The following RPAP3 variants were observed in gnomAD, a reference collection of about 807,000 sequenced individuals.
The protein encoded by RPAP3 is RNA polymerase II-associated protein 3.
In RPAP3, 58 loss-of-function variants were observed where a neutral mutation model predicts 88.8. The ratio of observed to expected loss-of-function variants is 0.65; its 90% confidence interval spans 0.53 to 0.81. RPAP3 has a LOEUF of 0.81. Among genes scored for constraint, RPAP3 ranks in the 40% least tolerant of loss-of-function variants. The pLI, the probability that RPAP3 is intolerant of heterozygous loss-of-function variation, is 0.00. For synonymous variants in RPAP3, 255 were observed against 259.9 expected (o/e 0.98, Z 0.18); for missense variants, 751 against 764.3 (o/e 0.98, Z 0.20).
Position 47,679,752 on chromosome 12 carries a change from C to T in RPAP3, c.1137G>A (p.Leu379=), listed in dbSNP as rs747023163. Residue 379 remains leucine, a synonymous_variant, in exon 11 of 17, where the codon CTG becomes CTA. Transcript: ENST00000005386. ...TTACTGCTTGCTTATTTCCAGGTTC[C>T]AGAAGTAAAACAGTTTCAAAATCTA... ...AKQDFETVLL[L]EPGNKQAVTE... 6.2e-7 allele frequency: 1 copy of T among 1,606,124 alleles called. No individual in the cohort carries two copies. Among genetic ancestry groups the T allele is most frequent in the Admixed American group, 1.7e-5 (1 of 59,696 alleles).
intron 16 of RPAP3, among the ~76,000 whole-genome samples, chr12:47,666,389 C>T (rs946255132): frequency 1.3e-5 from 2 of 152,212 alleles, no homozygotes; most frequent in African/African-American, 4.8e-5. Flanking sequence ...TTTCCTGCCT[C>T]AGAACCACTA....
intron 4 of RPAP3, 25 bp downstream of exon 4, chr12:47,697,572 A>C: frequency 1.3e-6 from 2 of 1,580,156 alleles, no homozygotes; most frequent in South Asian, 1.2e-5. Flanking sequence ...TACATGAAAA[A>C]AAACAAAACC....
At chr12:47,699,772 C>G (rs1939618633) in intron 3 of RPAP3, 1 of 152,086 alleles carries the variant, frequency 6.6e-6, no homozygotes, top group African/African-American at 2.4e-5. Flanking sequence ...ATTGAGACAT[C>G]CACACAATGG....
At chr12:47,694,855 TAAG>T (rs1939493046) in intron 5 of RPAP3, among the ~76,000 whole-genome samples, 1 of 152,042 alleles carries the variant, frequency 6.6e-6, no homozygotes, top group East Asian at 1.9e-4. Context: ...TGAAAACAAT[TAAG>T]AAGCCCAATT....
rs1374183316 is a variant in RPAP3, at chr12:47,661,505, T to C, written c.*2000A>G. ...TAGAAAAGTAACTTGTCCAAGGCCCTAAAGCCAGATGGAGCCAGAATTCAA... is the reference window on the plus strand; with the variant it reads ...TAGAAAAGTAACTTGTCCAAGGCCCCAAAGCCAGATGGAGCCAGAATTCAA... On this transcript the variant is annotated 3_prime_UTR_variant, in exon 17 of 17. Transcript: ENST00000005386. 2 of 152,226 alleles carry C rather than the reference T, an allele frequency of 1.3e-5. No homozygotes were observed. Among genetic ancestry groups the C allele is most frequent in the African/African-American group, 2.4e-5 (1 of 41,462 alleles). 9.4% of individuals were successfully genotyped at this position (152,226 alleles called of 1,614,324 possible). A position where few individuals can be genotyped will look rare whatever the true frequency, so the allele number is the denominator to read the frequency against.
intron 5 of RPAP3, among the ~76,000 whole-genome samples, chr12:47,691,699 T>G (rs890971798): frequency 6.6e-6 from 1 of 152,226 alleles, no homozygotes; most frequent in African/African-American, 2.4e-5. Flanking sequence ...ATCAGAGATC[T>G]TGGGTGAGTA....
At chr12:47,679,395 AT>A (rs1365362909) in intron 12 of RPAP3, 97 bp downstream of exon 12, 2 of 714,358 alleles carry the variant, frequency 2.8e-6, no homozygotes, top group African/African-American at 3.6e-5. Context: ...TTAAAGTATA[AT>A]TAAAAAAAAA....
At chr12:47,686,654 C>A in intron 9 of RPAP3, 126 bp downstream of exon 9, 1 of 632,886 alleles carries the variant, frequency 1.6e-6, no homozygotes, top group Non-Finnish European at 2.5e-6. Flanking sequence ...CTTAAATTTA[C>A]CATAAATTGG....
intron 9 of RPAP3, 82 bp downstream of exon 9, chr12:47,686,698 T>A: frequency 2.7e-6 from 3 of 1,102,506 alleles, no homozygotes; most frequent in Non-Finnish European, 3.7e-6. Context: ...ATAATTGGCA[T>A]GTTAGGTAAC....
intron 5 of RPAP3, chr12:47,696,049 T>C (rs1939519618): frequency 8.9e-6 from 3 of 338,888 alleles, no homozygotes; most frequent in Admixed American, 4.8e-5. Context: ...TTTAGAGGAA[T>C]ACCTCAGTAA....
Position 47,679,534 on chromosome 12 carries a change from C to T in RPAP3, c.1246G>A (p.Val416Met), listed in dbSNP as rs769068751. The T allele has an allele frequency of 1.1e-5, 17 of 1,606,674 alleles. No individual in the cohort carries two copies. In the South Asian group the frequency reaches 1.7e-4, roughly 16 times the overall value. ...GGTGGATTATCAATGGGTTTTACCA[C>T]ATTTTGTCTTTGTGTGGAATCAAGA... ...VFLDSTQRQN[V>M]VKPIDNPPHP... Residue 416 changes from valine (V) to methionine (M), a missense_variant, in exon 12 of 17, where the codon GTG (valine) becomes ATG (methionine). Physicochemically the swap from Val to Met is conservative, Grantham distance 21. Transcript: ENST00000005386.
At chr12:47,675,301 T>C (rs1939088554) in intron 12 of RPAP3, among the ~76,000 whole-genome samples, 2 of 152,026 alleles carry the variant, frequency 1.3e-5, no homozygotes, top group South Asian at 4.1e-4. Context: ...ACAGGCCAAA[T>C]TGTAAAGACC....
intron 14 of RPAP3, among the ~76,000 whole-genome samples, 162 bp from the exon 15 acceptor site, chr12:47,668,013 G>A (rs1938917589): frequency 1.3e-5 from 2 of 152,108 alleles, no homozygotes; most frequent in South Asian, 4.1e-4. Flanking sequence ...TGACCAACAT[G>A]GAGAAACCCC....
intron 5 of RPAP3, among the ~76,000 whole-genome samples, chr12:47,692,400 G>A (rs1040838636): frequency 2.0e-5 from 3 of 152,214 alleles, no homozygotes; most frequent in South Asian, 2.1e-4. Context: ...CAGGTTCTCC[G>A]TCAGCACCTG....
Position 47,702,889 on chromosome 12 carries a change from A to G in RPAP3, c.-6-43T>C, listed in dbSNP as rs113108290. On this transcript the variant is annotated intron_variant, in intron 1 of 16. Coordinates refer to ENST00000005386, the MANE Select transcript of RPAP3 (RefSeq NM_024604.3). ...ACCAACCTCTGATAAGAATAGGCCTATTTGGTTTATTTTTCTGAAAGCTAG... is the reference window on the plus strand; with the variant it reads ...ACCAACCTCTGATAAGAATAGGCCTGTTTGGTTTATTTTTCTGAAAGCTAG... 2,962 of 1,478,298 alleles carry G rather than the reference A, an allele frequency of 2.0e-3. 55 individuals are homozygous for G. In the South Asian group the frequency reaches 0.03, roughly 15 times the overall value. 91.6% of individuals were successfully genotyped at this position (1,478,298 alleles called of 1,614,324 possible). A position where few individuals can be genotyped will look rare whatever the true frequency, so the allele number is the denominator to read the frequency against.
At chr12:47,683,197 G>A (rs1939258773) in intron 9 of RPAP3, among the ~76,000 whole-genome samples, 1 of 152,158 alleles carries the variant, frequency 6.6e-6, no homozygotes, top group Non-Finnish European at 1.5e-5. Context: ...CTCAGTCTAT[G>A]CCAGTATTCT....
Position 47,661,426 on chromosome 12 carries a change from G to A in RPAP3, c.*2079C>T, listed in dbSNP as rs924976487. The A allele has an allele frequency of 1.3e-5, 2 of 152,134 alleles. No homozygotes were observed. Among genetic ancestry groups the A allele is most frequent in the Admixed American group, 6.5e-5 (1 of 15,278 alleles). 9.4% of individuals were successfully genotyped at this position (152,134 alleles called of 1,614,324 possible). ...CAGCCCTGCTCCAAAAACAAAATGT[G>A]TGCATTCATTCAATCTCACTTATAC... On this transcript the variant is annotated 3_prime_UTR_variant, in exon 17 of 17. Coordinates refer to ENST00000005386, the MANE Select transcript of RPAP3 (RefSeq NM_024604.3).
chr12:47,698,294 C>T (rs1453834970), intron 3 of RPAP3, among the ~76,000 whole-genome samples: 1 of 151,958 alleles, frequency 6.6e-6, no homozygotes, highest in Non-Finnish European at 1.5e-5. Flanking sequence ...ACCAAGTCTA[C>T]TTCCTCCAAG....
Position 47,686,842 on chromosome 12 carries a change from T to A in RPAP3, c.930A>T (p.Ala310=). The change falls in exon 9 of 17, where the codon GCA becomes GCT. Residue 310 remains alanine (A), a synonymous_variant. Coordinates refer to ENST00000005386, the MANE Select transcript of RPAP3 (RefSeq NM_024604.3). ...GAAGAAGGGCATTAGCACCATCTGC[T>A]GCTATCCCTCGAGTATAGCATTCAA... The part of the protein sequence containing the change: ...RAIECYTRGI[A]ADGANALLPA... The A allele has an allele frequency of 6.2e-7, 1 of 1,606,976 alleles. No homozygotes were observed. Among genetic ancestry groups the A allele is most frequent in the Non-Finnish European group, 8.5e-7 (1 of 1,175,848 alleles).
Sources: gnomAD v4.1 joint callset for allele counts (sites outside exome capture counted in the v4.1 genomes callset) on GRCh38, gnomAD v4.1.1 for gene constraint, MANE v1.5 for transcripts, NCBI Gene and HGNC (gene_info 2026-07-23, HGNC 2026-07-21) for gene names.